THRB: variants seen among roughly 807,000 people sequenced by gnomAD.
THRB encodes the protein thyroid hormone receptor beta.
THRB carries 12 observed loss-of-function variants against 47.8 expected under a neutral mutation model. The ratio of observed to expected loss-of-function variants is 0.25; its 90% CI spans 0.16 to 0.41. The LOEUF (loss-of-function observed/expected upper bound fraction) is 0.41. Ranked by LOEUF, THRB falls within the 10% of genes least tolerant of loss-of-function variation. The pLI, the probability that THRB is intolerant of heterozygous loss-of-function variation, is 1.00. For synonymous variants in THRB, 218 were observed against 212.2 expected (o/e 1.03, Z -0.24); for missense variants, 348 against 589.2 (o/e 0.59, Z 4.24).
intron 2 of THRB, among the ~76,000 whole-genome samples, chr3:24,326,947 T>C (rs547926348): frequency 2.0e-5 from 3 of 151,770 alleles, no homozygotes; most frequent in Non-Finnish European, 4.4e-5. Flanking sequence ...GTATTTGTAG[T>C]AGAGTCAGGG....
intron 3 of THRB, among the ~76,000 whole-genome samples, chr3:24,284,419 C>T (rs1204937162): frequency 6.6e-6 from 1 of 150,798 alleles, no homozygotes; most frequent in South Asian, 2.1e-4. Context: ...ACACCTTATA[C>T]AAAAATCAAT....
chr3:24,342,810 G>A (rs1225390202), intron 1 of THRB, among the ~76,000 whole-genome samples: 1 of 152,176 alleles, frequency 6.6e-6, no homozygotes, highest in African/African-American at 2.4e-5. Flanking sequence ...GCCCAACTAG[G>A]TGGAAATGAG....
At chr3:24,231,734 T>C (rs1167542276) in intron 3 of THRB, among the ~76,000 whole-genome samples, 1 of 152,150 alleles carries the variant, frequency 6.6e-6, no homozygotes, top group Non-Finnish European at 1.5e-5. Context: ...TCTCCTGTCC[T>C]ACATGGTGGG....
chr3:24,408,044 T>C (rs1272780933), intron 1 of THRB, among the ~76,000 whole-genome samples: 1 of 151,868 alleles, frequency 6.6e-6, no homozygotes, highest in Non-Finnish European at 1.5e-5. Context: ...TAGAAATAAA[T>C]ATTAAAAGGA....
chr3:24,485,965 C>A (rs1404773227), intron 1 of THRB, among the ~76,000 whole-genome samples: 1 of 152,180 alleles, frequency 6.6e-6, no homozygotes, highest in African/African-American at 2.4e-5. Context: ...AAACTGAACA[C>A]ATGCAATGAA....
chr3:24,378,979 G>C (rs1032280544), intron 1 of THRB, among the ~76,000 whole-genome samples: 5 of 152,008 alleles, frequency 3.3e-5, no homozygotes, highest in African/African-American at 1.2e-4. Flanking sequence ...CCATTTGAAA[G>C]CATTTTATAA....
chr3:24,458,627 G>A (rs1440539216), intron 1 of THRB: 2 of 152,086 alleles, frequency 1.3e-5, no homozygotes, highest in African/African-American at 4.8e-5. Context: ...GACTAACTCA[G>A]ATACCCACTC....
intron 1 of THRB, among the ~76,000 whole-genome samples, chr3:24,389,430 T>C (rs2066385967): frequency 6.6e-6 from 1 of 152,172 alleles, no homozygotes; most frequent in South Asian, 2.1e-4. Flanking sequence ...GAATAATATG[T>C]GACTGCTGAC....
At chr3:24,165,578 G>A (rs923320951) in intron 5 of THRB, 24 of 498,174 alleles carry the variant, frequency 4.8e-5, no homozygotes, top group Non-Finnish European at 2.1e-5. Context: ...AGACCGAGGT[G>A]TCTTTTGAGC....
At chr3:24,307,968 C>T (rs1484089148) in intron 2 of THRB, among the ~76,000 whole-genome samples, 1 of 152,108 alleles carries the variant, frequency 6.6e-6, no homozygotes, top group Non-Finnish European at 1.5e-5. Context: ...CTTTTGTTGC[C>T]ATCGCTGCAG....
chr3:24,241,862 A>G (rs1487086428), intron 3 of THRB, among the ~76,000 whole-genome samples: 2 of 152,054 alleles, frequency 1.3e-5, no homozygotes, highest in African/African-American at 4.8e-5. Flanking sequence ...TATGTTTCTG[A>G]TGCACACTTG....
At chr3:24,172,865 C>T (rs1430719397) in intron 5 of THRB, among the ~76,000 whole-genome samples, 1 of 152,128 alleles carries the variant, frequency 6.6e-6, no homozygotes, top group East Asian at 1.9e-4. Context: ...TGTTTTATTT[C>T]ACAAAGGTGG....
At chr3:24,296,215 G>T (rs1416414870) in intron 3 of THRB, among the ~76,000 whole-genome samples, 1 of 152,206 alleles carries the variant, frequency 6.6e-6, no homozygotes, top group Non-Finnish European at 1.5e-5. Flanking sequence ...TTCTTGAAAT[G>T]GAGAAAAGGA....
chr3:24,152,639 T>C (rs2037148421), intron 5 of THRB, 149 bp from the exon 6 acceptor site: 2 of 658,950 alleles, frequency 3.0e-6, no homozygotes, highest in Admixed American at 4.3e-5. Flanking sequence ...ACGGTAAGAA[T>C]TTTATACTCA....
chr3:24,252,627 C>T (rs7433019), intron 3 of THRB, among the ~76,000 whole-genome samples: 39,529 of 150,042 alleles, frequency 0.26, 5,932 homozygotes, highest in East Asian at 0.41. Context: ...ATCTCGAATG[C>T]CTATAAAAGG....
intron 7 of THRB, among the ~76,000 whole-genome samples, chr3:24,145,613 C>T (rs1039020505): frequency 2.0e-5 from 3 of 152,098 alleles, no homozygotes; most frequent in Non-Finnish European, 4.4e-5. Flanking sequence ...GGGGATTAAC[C>T]CAGGATTTCC....
chr3:24,300,790 T>C (rs2056884222), intron 2 of THRB, among the ~76,000 whole-genome samples: 1 of 152,222 alleles, frequency 6.6e-6, no homozygotes, highest in South Asian at 2.1e-4. Context: ...AGCTTGTATA[T>C]GTCAATGAAA....
At chr3:24,386,116 C>G (rs2066082434) in intron 1 of THRB, among the ~76,000 whole-genome samples, 2 of 152,256 alleles carry the variant, frequency 1.3e-5, no homozygotes, top group South Asian at 2.1e-4. Flanking sequence ...GTTCCAGAGT[C>G]TCTTCTAGAC....
chr3:24,256,197 G>C (rs1401821717), intron 3 of THRB, among the ~76,000 whole-genome samples: 1 of 152,188 alleles, frequency 6.6e-6, no homozygotes, highest in Non-Finnish European at 1.5e-5. Context: ...ATACTGCTGA[G>C]AGGTCAAGGG....
Sources: gnomAD v4.1 joint callset for allele counts (sites outside exome capture counted in the v4.1 genomes callset) on GRCh38, gnomAD v4.1.1 for gene constraint, MANE v1.5 for transcripts, NCBI Gene and HGNC (gene_info 2026-07-23, HGNC 2026-07-21) for gene names.